CREB5: variants seen among roughly 807,000 people sequenced by gnomAD.
CREB5 encodes the protein cAMP responsive element binding protein 5, also known as cyclic AMP-responsive element-binding protein 5.
A neutral mutation model predicts 57.1 loss-of-function variants in CREB5; 19 were observed. The observed-to-expected ratio is 0.33, with a 90% confidence interval of 0.23 to 0.49. The LOEUF (loss-of-function observed/expected upper bound fraction) is 0.49, where lower values mean the gene tolerates loss of function less well. CREB5 is among the 20% of genes least tolerant of loss of function. CREB5 has a pLI of 0.99. For missense variants in CREB5, 579 were observed against 671.6 expected (o/e 0.86, Z 1.52); for synonymous variants, 238 against 238.3 (o/e 1.00, Z 0.01).
chr7:28,321,846 C>T (rs750967872), intron 1 of CREB5, among the ~76,000 whole-genome samples: 11 of 152,140 alleles, frequency 7.2e-5, no homozygotes, highest in Admixed American at 2.6e-4. Context: ...AGGGGTGGCC[C>T]CCTTCTGAGT....
chr7:28,325,075 C>G (rs1229327212), intron 1 of CREB5, among the ~76,000 whole-genome samples: 1 of 152,250 alleles, frequency 6.6e-6, no homozygotes, highest in Non-Finnish European at 1.5e-5. Context: ...ATCTGAACAA[C>G]CGCAATAACT....
chr7:28,735,379 A>T (rs926113775), intron 7 of CREB5, among the ~76,000 whole-genome samples: 2 of 152,190 alleles, frequency 1.3e-5, no homozygotes, highest in African/African-American at 4.8e-5. Context: ...GTCATTCACA[A>T]TGTTCTGAGG....
intron 5 of CREB5, 40 bp from the exon 6 acceptor site, chr7:28,718,713 C>A (rs754826075): frequency 6.2e-7 from 1 of 1,607,986 alleles, no homozygotes; most frequent in Non-Finnish European, 8.5e-7. Context: ...AGGGCCAGGG[C>A]ACCAGGAATC....
chr7:28,409,562 G>T (rs764019370), upstream of CREB5: 116 of 172,346 alleles, frequency 6.7e-4, no homozygotes, highest in Non-Finnish European at 1.2e-3. The surrounding 1 kb of genome is among the most constrained non-coding windows in gnomAD (Gnocchi z 4.4). Context: ...GAGGTTACTT[G>T]GTCCAGTGGG....
chr7:28,305,294 CT>C (rs528780838), intron 1 of CREB5, among the ~76,000 whole-genome samples: 51 of 152,316 alleles, frequency 3.3e-4, no homozygotes, highest in African/African-American at 1.2e-3. Context: ...TACAGTATCT[CT>C]TGTCCAGCCT....
rs534233486 is a variant in CREB5, at chr7:28,356,426, A to G, written c.-25+56985A>G. On this transcript the variant is annotated intron_variant, in intron 1 of 9. Coordinates refer to the CREB5 transcript ENST00000396299. The stretch of plus-strand genomic sequence containing the variant: ...TATTTTTACAACGTCGTTTTAGGCA[A>G]TGGTTTGGTACTCTGAATGCACTTA... 2.6e-5 allele frequency among the ~76,000 whole-genome samples: 4 copies of G among 152,278 alleles called. No homozygotes were observed. In the South Asian group the frequency reaches 6.2e-4, roughly 24 times the overall value.
intron 1 of CREB5, among the ~76,000 whole-genome samples, chr7:28,404,265 C>A (rs1787532649): frequency 6.6e-6 from 1 of 152,124 alleles, no homozygotes; most frequent in Admixed American, 6.5e-5. Flanking sequence ...ACACAGGGGC[C>A]TAATGCAGGT....
chr7:28,536,194 G>A (rs1793960959), intron 4 of CREB5, among the ~76,000 whole-genome samples: 1 of 152,140 alleles, frequency 6.6e-6, no homozygotes, highest in African/African-American at 2.4e-5. Flanking sequence ...TACACGAAGG[G>A]GGATGCTGTT....
chr7:28,757,134 T>C (rs1368062058), intron 7 of CREB5, among the ~76,000 whole-genome samples: 2 of 152,212 alleles, frequency 1.3e-5, no homozygotes, highest in South Asian at 2.1e-4. Flanking sequence ...TTCTAAATGC[T>C]TTGTAAATAG....
At chr7:28,540,953 G>C (rs1224337065) in intron 4 of CREB5, among the ~76,000 whole-genome samples, 2 of 152,144 alleles carry the variant, frequency 1.3e-5, no homozygotes, top group Non-Finnish European at 2.9e-5. Flanking sequence ...CATACCCACT[G>C]ATACCCACGC....
intron 5 of CREB5, among the ~76,000 whole-genome samples, chr7:28,585,326 G>A (rs1796267595): frequency 6.6e-6 from 1 of 152,210 alleles, no homozygotes; most frequent in Non-Finnish European, 1.5e-5. Context: ...CAGAAGGAAA[G>A]GACACCAGGG....
At position 28,340,378 on chromosome 7, in the gene CREB5, T is replaced by C. The variant is rs142370105; in HGVS notation, c.-25+40937T>C. On this transcript the variant is annotated intron_variant, in intron 1 of 9. Coordinates refer to the CREB5 transcript ENST00000396299. The stretch of plus-strand genomic sequence containing the variant: ...GGTGATAAATTCTGCCAGGACTGGG[T>C]GCTTCCATTCAAGGCAGTGGGTTCC... Among the ~76,000 whole-genome samples the C allele has an allele frequency of 6.3e-3, 964 of 152,274 alleles. 8 individuals carry two copies. Among genetic ancestry groups the C allele is most frequent in the African/African-American group, 0.022 (929 of 41,544 alleles).
rs1387874311 is a variant in CREB5 at position 28,589,000 on chromosome 7, C to T, written c.464+18463C>T. On this transcript the variant is annotated intron_variant, in intron 5 of 10. Transcript: ENST00000357727. ...TCTAAATAAGTGTGGAGTCAGAAAA[C>T]GAGCAGCTTAGAAATGTAAGACTCA... 2.0e-5 allele frequency among the ~76,000 whole-genome samples: 3 copies of T among 152,258 alleles called. No individual in the cohort carries two copies. In the East Asian group the frequency reaches 5.8e-4, roughly 29 times the overall value.
At chr7:28,421,857 CTATATATACCA>C (rs1283161014) in intron 1 of CREB5, among the ~76,000 whole-genome samples, 70 of 4,976 alleles carry the variant, frequency 0.014, no homozygotes, top group East Asian at 0.05. Context: ...CTCTCTCTCT[CTATATATACCA>C]TATATATGGT....
chr7:28,386,607 T>G (rs2127996998), intron 1 of CREB5, among the ~76,000 whole-genome samples: 1 of 152,300 alleles, frequency 6.6e-6, no homozygotes, highest in South Asian at 2.1e-4. Context: ...TTACTGGCAT[T>G]TCTCTAAAAC....
intron 1 of CREB5, among the ~76,000 whole-genome samples, chr7:28,305,994 T>G (rs1439375061): frequency 6.6e-6 from 1 of 152,180 alleles, no homozygotes; most frequent in Non-Finnish European, 1.5e-5. Context: ...AGTTTTTTTT[T>G]TGCAAAAGTG....
chr7:28,582,898 G>A (rs1269919738), intron 5 of CREB5, among the ~76,000 whole-genome samples: 1 of 152,116 alleles, frequency 6.6e-6, no homozygotes, highest in African/African-American at 2.4e-5. Flanking sequence ...GATAACTGAT[G>A]GTTTTTTTAA....
chr7:28,725,453 T>C (rs939648385), intron 7 of CREB5, among the ~76,000 whole-genome samples: 8 of 152,246 alleles, frequency 5.3e-5, no homozygotes, highest in Middle Eastern at 3.2e-3. Context: ...GAGAGTTCTC[T>C]TTGCTGTGCC....
chr7:28,645,088 A>G (rs1423635122), intron 5 of CREB5, among the ~76,000 whole-genome samples: 2 of 151,984 alleles, frequency 1.3e-5, no homozygotes, highest in Non-Finnish European at 2.9e-5. Flanking sequence ...CAGCCCCCCA[A>G]CCCTTGAGTC....
Sources: gnomAD v4.1 joint callset for allele counts (sites outside exome capture counted in the v4.1 genomes callset) on GRCh38, gnomAD v4.1.1 for gene constraint, Gnocchi (gnomAD v3.1) non-coding constraint, MANE v1.5 for transcripts, NCBI Gene and HGNC (gene_info 2026-07-23, HGNC 2026-07-21) for gene names.